ASAP2: variants seen among roughly 807,000 people sequenced by gnomAD.
ASAP2 encodes arf-GAP with SH3 domain, ANK repeat and PH domain-containing protein 2.
In ASAP2, 45 loss-of-function variants were observed where a neutral mutation model predicts 131.4. That is an observed-to-expected ratio of 0.34 (90% CI 0.27 to 0.44). ASAP2 has a LOEUF of 0.44. Among genes scored for constraint, ASAP2 ranks in the 20% least tolerant of loss-of-function variants. The pLI is 1.00. For missense variants in ASAP2, 1,011 were observed against 1,297.0 expected (o/e 0.78, Z 3.39); for synonymous variants, 510 against 503.0 (o/e 1.01, Z -0.19).
intron 21 of ASAP2, among the ~76,000 whole-genome samples, chr2:9,387,208 T>C (rs1331742914): frequency 4.6e-5 from 4 of 87,856 alleles, no homozygotes; most frequent in African/African-American, 4.3e-4. Context: ...AGAGAGACTC[T>C]GTCTCAAAAA....
chr2:9,332,471 G>A (rs1195035915), intron 7 of ASAP2, among the ~76,000 whole-genome samples: 2 of 152,178 alleles, frequency 1.3e-5, no homozygotes, highest in Non-Finnish European at 2.9e-5. Flanking sequence ...CTATTACAGA[G>A]ATGAAATCTA....
intron 1 of ASAP2, among the ~76,000 whole-genome samples, chr2:9,211,368 G>A (rs1211330419): frequency 2.0e-5 from 3 of 151,972 alleles, no homozygotes; most frequent in Non-Finnish European, 1.5e-5. Flanking sequence ...GAAAAGTAAG[G>A]GTTTTTTGTT....
At chr2:9,329,105 T>C (rs1158663201) in intron 7 of ASAP2, among the ~76,000 whole-genome samples, 3 of 152,070 alleles carry the variant, frequency 2.0e-5, no homozygotes, top group African/African-American at 7.2e-5. Context: ...AAAGTATGAG[T>C]AGGAGCCGGC....
chr2:9,329,662 C>T (rs944813880), intron 7 of ASAP2, among the ~76,000 whole-genome samples: 21 of 152,160 alleles, frequency 1.4e-4, no homozygotes, highest in Admixed American at 1.1e-3. Context: ...CCAGAGATGA[C>T]GATGGCCCAC....
intron 1 of ASAP2, among the ~76,000 whole-genome samples, chr2:9,208,653 G>C (rs1661319975): frequency 6.6e-6 from 1 of 152,152 alleles, no homozygotes; most frequent in Admixed American, 6.6e-5. Context: ...TGAATTCGGT[G>C]ATTCCCCAGA....
intron 24 of ASAP2, 50 bp downstream of exon 24, chr2:9,393,697 T>A (rs1219216713): frequency 1.3e-6 from 2 of 1,512,076 alleles, no homozygotes; most frequent in Non-Finnish European, 1.8e-6. Context: ...CCCTCTGACC[T>A]CACCTGCCCA....
rs898843166 is a variant in ASAP2 at position 9,311,846 on chromosome 2, G to A, written c.346-6678G>A. Among the ~76,000 whole-genome samples, 6 of 152,186 alleles carry A rather than the reference G, an allele frequency of 3.9e-5. No homozygotes were observed. The highest frequency in any genetic ancestry group is 8.8e-5 in the Non-Finnish European group (6 of 68,024). On this transcript the variant is annotated intron_variant, in intron 3 of 27. Transcript: ENST00000281419. The surrounding 1 kb of genome is among the most constrained non-coding windows in gnomAD (Gnocchi z 5.2). ...CCCAGACAGAGACCAGAGTGGCCAT[G>A]TCCTGGGAAATTCTCCCTGAGCCAC...
At chr2:9,288,330 A>G (rs114580436) in intron 2 of ASAP2, among the ~76,000 whole-genome samples, 52 of 152,328 alleles carry the variant, frequency 3.4e-4, no homozygotes, top group Non-Finnish European at 7.1e-4. Flanking sequence ...TGTCATCTCC[A>G]CAGTGTTCAT....
At chr2:9,353,055 G>GC (rs796998811) in intron 12 of ASAP2, among the ~76,000 whole-genome samples, 8 of 152,250 alleles carry the variant, frequency 5.3e-5, no homozygotes, top group African/African-American at 1.9e-4. Flanking sequence ...TTGAAAACTG[G>GC]CCAGATACCC....
chr2:9,274,885 G>A (rs1666648671), intron 1 of ASAP2, among the ~76,000 whole-genome samples: 1 of 152,142 alleles, frequency 6.6e-6, no homozygotes. Flanking sequence ...AACAAAGGTA[G>A]AAGATTCCAT....
At chr2:9,259,492 C>G (rs1665426212) in intron 1 of ASAP2, among the ~76,000 whole-genome samples, 1 of 152,248 alleles carries the variant, frequency 6.6e-6, no homozygotes, top group South Asian at 2.1e-4. Context: ...TTGTACCTCT[C>G]AAGTCCTCCT....
At chr2:9,366,356 G>A (rs1468905283) in intron 15 of ASAP2, among the ~76,000 whole-genome samples, 1 of 152,104 alleles carries the variant, frequency 6.6e-6, no homozygotes, top group Non-Finnish European at 1.5e-5. Context: ...CAAACTAGGA[G>A]GCATCAGGGT....
At chr2:9,218,330 T>G (rs1662196050) in intron 1 of ASAP2, among the ~76,000 whole-genome samples, 1 of 152,216 alleles carries the variant, frequency 6.6e-6, no homozygotes, top group Non-Finnish European at 1.5e-5. Context: ...GCACTTAACA[T>G]CAGAAGTGTT....
In ASAP2 at chr2:9,223,376, C is replaced by T. The variant is rs953152475; in HGVS notation, c.126+16146C>T. 2.0e-4 allele frequency among the ~76,000 whole-genome samples: 31 copies of T among 152,242 alleles called. 1 individual carries two copies. The highest frequency in any genetic ancestry group is 6.7e-4 in the African/African-American group (28 of 41,538). ...TTTGCTCTTTTAATTTATGAACCTT[C>T]TTGGATCCTTCAAGCATCTGTATAC... is the stretch of plus-strand genomic sequence containing the variant. On this transcript the variant is annotated intron_variant, in intron 1 of 27. Transcript: ENST00000281419.
intron 1 of ASAP2, among the ~76,000 whole-genome samples, chr2:9,220,029 G>T (rs1276476221): frequency 6.6e-6 from 1 of 152,148 alleles, no homozygotes; most frequent in Non-Finnish European, 1.5e-5. Flanking sequence ...TCATAACATG[G>T]ATTTGTACTT....
chr2:9,259,110 C>T (rs939981494), intron 1 of ASAP2, among the ~76,000 whole-genome samples: 2 of 152,236 alleles, frequency 1.3e-5, no homozygotes, highest in African/African-American at 4.8e-5. Flanking sequence ...CAGCCTCTTC[C>T]CCTTACTTGC....
At chr2:9,242,961 GT>G (rs1034363251) in intron 1 of ASAP2, among the ~76,000 whole-genome samples, 2 of 152,150 alleles carry the variant, frequency 1.3e-5, no homozygotes, top group African/African-American at 4.8e-5. Flanking sequence ...CATAAGCAGC[GT>G]TGTGTGCTTT....
intron 9 of ASAP2, among the ~76,000 whole-genome samples, chr2:9,340,345 T>TGA (rs1227215461): frequency 6.6e-6 from 1 of 152,114 alleles, no homozygotes; most frequent in Non-Finnish European, 1.5e-5. Context: ...CTTTATTCTG[T>TGA]GAGAGAGAGA....
chr2:9,219,303 G>A (rs137855711), intron 1 of ASAP2, among the ~76,000 whole-genome samples: 1 of 152,288 alleles, frequency 6.6e-6, no homozygotes, highest in East Asian at 1.9e-4. Flanking sequence ...CTGTGATTCG[G>A]TTGTGTTTAT....
Sources: gnomAD v4.1 joint callset for allele counts (sites outside exome capture counted in the v4.1 genomes callset) on GRCh38, gnomAD v4.1.1 for gene constraint, Gnocchi (gnomAD v3.1) non-coding constraint, MANE v1.5 for transcripts, NCBI Gene and HGNC (gene_info 2026-07-23, HGNC 2026-07-21) for gene names.